The following GLI2 variants were observed in gnomAD, a reference collection of about 807,000 sequenced individuals.
GLI2 encodes the protein transcription activator GLI2.
GLI2 carries 22 observed loss-of-function variants against 78.9 expected under a neutral mutation model. The ratio of observed to expected loss-of-function variants is 0.28; its 90% CI spans 0.20 to 0.40. The LOEUF is 0.40. Among genes scored for constraint, GLI2 ranks in the 10% least tolerant of loss-of-function variants. The pLI, the probability that GLI2 is intolerant of heterozygous loss-of-function variation, is 1.00. For synonymous variants in GLI2, 974 were observed against 963.7 expected, an observed-to-expected ratio of 1.01 and a Z score of -0.20; for missense variants, 2,097 against 2,213.2, an observed-to-expected ratio of 0.95 and a Z score of 1.05.
At chr2:120,830,156 C>T (rs1004795695) in intron 2 of GLI2, among the ~76,000 whole-genome samples, 1 of 152,342 alleles carries the variant, frequency 6.6e-6, no homozygotes. Flanking sequence ...GCCCCTCCGT[C>T]TGAGTACCTG....
rs138862126 is a variant in GLI2 at position 120,956,331 on chromosome 2, A to G, written c.643+901A>G. Among the ~76,000 whole-genome samples, 533 of 152,214 alleles carry G rather than the reference A, an allele frequency of 3.5e-3. 1 individual carries two copies. The highest frequency in any genetic ancestry group is 0.012 in the African/African-American group (516 of 41,540). On this transcript the variant is annotated intron_variant, in intron 5 of 13. Transcript: ENST00000361492. ...GAGGCTATAGGTGGGGCCCTCATGGAAGGGAGGGAAGTCAGGTATCCTGGG... is the reference window on the plus strand; with the variant it reads ...GAGGCTATAGGTGGGGCCCTCATGGGAGGGAGGGAAGTCAGGTATCCTGGG...
At chr2:120,949,770 C>T (rs1204622902) in intron 3 of GLI2, among the ~76,000 whole-genome samples, 1 of 152,252 alleles carries the variant, frequency 6.6e-6, no homozygotes, top group Non-Finnish European at 1.5e-5. Context: ...AGGCCTGGCA[C>T]AGCGGCCTCC....
intron 2 of GLI2, among the ~76,000 whole-genome samples, chr2:120,847,642 G>A (rs569952701): frequency 4.5e-4 from 69 of 151,866 alleles, no homozygotes; most frequent in African/African-American, 1.6e-3. Flanking sequence ...GGGATGGATT[G>A]GGGGATTGGA....
At chr2:120,905,674 G>C (rs927833881) in intron 2 of GLI2, among the ~76,000 whole-genome samples, 1 of 152,230 alleles carries the variant, frequency 6.6e-6, no homozygotes, top group African/African-American at 2.4e-5. Flanking sequence ...GCTTGGGCTT[G>C]GGGCATAGCT....
chr2:120,962,822 G>A (rs1251665963), intron 5 of GLI2, among the ~76,000 whole-genome samples: 2 of 152,158 alleles, frequency 1.3e-5, no homozygotes, highest in Non-Finnish European at 2.9e-5. Flanking sequence ...CACATGAGAG[G>A]GTGGGAATCC....
chr2:120,934,128 G>A (rs1377784265), intron 3 of GLI2, among the ~76,000 whole-genome samples: 4 of 152,276 alleles, frequency 2.6e-5, no homozygotes, highest in Middle Eastern at 3.4e-3. Flanking sequence ...CACTGCAGGC[G>A]CCGCTGCTTG....
chr2:120,766,609 C>T (rs958748471), intron 1 of GLI2, among the ~76,000 whole-genome samples: 5 of 152,166 alleles, frequency 3.3e-5, no homozygotes, highest in Non-Finnish European at 5.9e-5. Flanking sequence ...GTGAGAGCAG[C>T]GGAGGAGCAT....
In GLI2 at chr2:120,983,167, C is replaced by T. The variant is rs2044496; in HGVS notation, c.1632+287C>T. ...TATCTCCATAATAAATATAATAGTG[C>T]CCTCCCCAAAGGCCATCATGAGGTC... On this transcript the variant is annotated intron_variant, in intron 11 of 13. Coordinates refer to ENST00000361492, the MANE Select transcript of GLI2 (RefSeq NM_001374353.1). 0.62 allele frequency among the ~76,000 whole-genome samples: 94,246 copies of T among 151,878 alleles called. 30,294 individuals are homozygous for T. The highest frequency in any genetic ancestry group is 0.72 in the Non-Finnish European group (48,959 of 67,924).
At chr2:120,967,987 A>AG (rs1558922593) in intron 5 of GLI2, among the ~76,000 whole-genome samples, 1 of 152,160 alleles carries the variant, frequency 6.6e-6, no homozygotes, top group Non-Finnish European at 1.5e-5. Context: ...ATGCCCTATC[A>AG]GGGGGCACTT....
Position 120,944,358 on chromosome 2 carries a change from A to G in GLI2, c.255-6885A>G, listed in dbSNP as rs531331336. Among the ~76,000 whole-genome samples, 50 of 152,274 alleles carry G rather than the reference A, an allele frequency of 3.3e-4. No individual in the cohort carries two copies. In the South Asian group the frequency reaches 9.6e-3, roughly 29 times the overall value. On this transcript the variant is annotated intron_variant, in intron 3 of 13. Coordinates refer to ENST00000361492, the MANE Select transcript of GLI2 (RefSeq NM_001374353.1). ...CCTGGTGCTACACTGCATGCTTTCC[A>G]TGCTTGGCTCATCCTACCTCACAGC...
intron 1 of GLI2, among the ~76,000 whole-genome samples, chr2:120,786,141 C>T (rs913655332): frequency 6.6e-6 from 1 of 152,228 alleles, no homozygotes; most frequent in African/African-American, 2.4e-5. Flanking sequence ...GCTCTCCCCA[C>T]CACCCTGGAC....
intron 2 of GLI2, among the ~76,000 whole-genome samples, chr2:120,910,039 G>A (rs892490751): frequency 7.9e-5 from 12 of 152,052 alleles, no homozygotes; most frequent in African/African-American, 2.4e-4. Context: ...GTGAGCCTCC[G>A]TCCAGCCATA....
chr2:120,950,549 C>T (rs1255081644), intron 3 of GLI2, among the ~76,000 whole-genome samples: 1 of 152,162 alleles, frequency 6.6e-6, no homozygotes, highest in Non-Finnish European at 1.5e-5. Context: ...GCCAGCGGCA[C>T]CAAGCCCAAT....
At chr2:120,965,627 C>T (rs1003021270) in intron 5 of GLI2, among the ~76,000 whole-genome samples, 1 of 150,138 alleles carries the variant, frequency 6.7e-6, no homozygotes, top group South Asian at 2.1e-4. Flanking sequence ...ACACTCCAGC[C>T]GGGATGCAGA....
intron 1 of GLI2, among the ~76,000 whole-genome samples, chr2:120,768,547 A>G (rs1683434250): frequency 6.6e-6 from 1 of 152,232 alleles, no homozygotes. Flanking sequence ...ATGAGGGGCC[A>G]TTCTCCAACG....
intron 2 of GLI2, among the ~76,000 whole-genome samples, chr2:120,886,207 TGTGC>T (rs1199955112): frequency 3.1e-5 from 1 of 32,746 alleles, no homozygotes; most frequent in Non-Finnish European, 5.1e-5. Context: ...TGTGTGTGTG[TGTGC>T]GTGTATATTT....
At position 120,984,814 on chromosome 2, in the gene GLI2, G is replaced by A. The variant is rs1354544321; in HGVS notation, c.1905+71G>A. The A allele has an allele frequency of 8.5e-6, 13 of 1,527,998 alleles. No homozygotes were observed. The African/African-American group carries it at 1.4e-4, about 16-fold the overall frequency. 94.7% of individuals were successfully genotyped at this position (1,527,998 alleles called of 1,614,324 possible). On this transcript the variant is annotated intron_variant, in intron 12 of 13. Transcript: ENST00000361492. ...CGTGCCCAGGGCCACCCCTTGCCAC[G>A]GTTGCGGGCTCTGCCCTAAGGCCCC...
chr2:120,767,357 G>T (rs1446349107), intron 1 of GLI2, among the ~76,000 whole-genome samples: 1 of 151,542 alleles, frequency 6.6e-6, no homozygotes, highest in African/African-American at 2.4e-5. Flanking sequence ...GGAGTCTGGC[G>T]CTGGGGGCGG....
At position 120,879,465 on chromosome 2, in the gene GLI2, C is replaced by T. The variant is rs139658370; in HGVS notation, c.149-47896C>T. Among the ~76,000 whole-genome samples, 368 of 152,296 alleles carry T rather than the reference C, an allele frequency of 2.4e-3. 2 individuals carry two copies. The highest frequency in any genetic ancestry group is 4.1e-3 in the Non-Finnish European group (281 of 68,026). On this transcript the variant is annotated intron_variant, in intron 2 of 13. Coordinates refer to ENST00000361492, the MANE Select transcript of GLI2 (RefSeq NM_001374353.1). ...AGTGAACATAGAGAGACCTCCTAGC[C>T]AGGCAGGAGATAACCTGAGATCAGT... is the stretch of plus-strand genomic sequence containing the variant.
Sources: gnomAD v4.1 joint callset for allele counts (sites outside exome capture counted in the v4.1 genomes callset) on GRCh38, gnomAD v4.1.1 for gene constraint, MANE v1.5 for transcripts, NCBI Gene and HGNC (gene_info 2026-07-23, HGNC 2026-07-21) for gene names.